The following RASGRF1 variants were observed in gnomAD, a reference collection of about 807,000 sequenced individuals.
RASGRF1 encodes the protein Ras protein specific guanine nucleotide releasing factor 1.
In RASGRF1, 40 loss-of-function variants were observed where a neutral mutation model predicts 138.7. The ratio of observed to expected loss-of-function variants is 0.29; its 90% CI spans 0.22 to 0.38. The LOEUF (loss-of-function observed/expected upper bound fraction) is 0.38, where lower values mean the gene tolerates loss of function less well. RASGRF1 is among the 10% of genes least tolerant of loss of function. The probability of loss-of-function intolerance (pLI) is 1.00; values close to 1 mark genes in which losing one functional copy is unlikely to be tolerated. For missense variants in RASGRF1, 1,108 were observed against 1,650.4 expected (o/e 0.67, Z 5.69); for synonymous variants, 614 against 663.2 (o/e 0.93, Z 1.14).
intron 3 of RASGRF1, 37 bp from the exon 4 acceptor site, chr15:79,049,625 TG>T: frequency 1.3e-6 from 2 of 1,575,194 alleles, no homozygotes; most frequent in Non-Finnish European, 1.7e-6. Flanking sequence ...TGAGGGGCGC[TG>T]GCTCACAGAG....
chr15:79,071,376 T>C (rs559470087), intron 1 of RASGRF1, among the ~76,000 whole-genome samples: 3 of 151,848 alleles, frequency 2.0e-5, no homozygotes, highest in East Asian at 3.9e-4. Flanking sequence ...TTTTTTTTTT[T>C]TGAGTCAGAG....
At chr15:78,983,341 C>A (rs1343589841) in intron 23 of RASGRF1, among the ~76,000 whole-genome samples, 1 of 152,168 alleles carries the variant, frequency 6.6e-6, no homozygotes, top group Non-Finnish European at 1.5e-5. Context: ...GACCCTAGGT[C>A]CAGAATGACA....
rs370108262 is a variant in RASGRF1, at chr15:79,003,839, A to G, written c.2412T>C (p.Pro804=). 6 of 1,611,666 alleles carry G rather than the reference A, an allele frequency of 3.7e-6. No individual in the cohort carries two copies. The African/African-American group carries it at 5.3e-5, about 14-fold the overall frequency. The part of the protein sequence containing the change: ...NKIPDEGDTT[P]EKPEDPSALS... ...GCGCTGAAGGGTCTTCGGGCTTCTCAGGGGTCGTATCGCCCTCATCTGGAA... is the reference window on the plus strand; with the variant it reads ...GCGCTGAAGGGTCTTCGGGCTTCTCGGGGGTCGTATCGCCCTCATCTGGAA... The change falls in exon 15 of 27, where the codon CCT becomes CCC. Residue 804 remains proline (P), a synonymous_variant. Transcript: ENST00000558480.
At chr15:79,043,969 T>A (rs993300627) in intron 5 of RASGRF1, among the ~76,000 whole-genome samples, 2 of 152,258 alleles carry the variant, frequency 1.3e-5, no homozygotes, top group African/African-American at 4.8e-5. Context: ...CAGCCTTCAG[T>A]TATCCAGCCC....
At chr15:79,083,723 C>T (rs1423263177) in intron 1 of RASGRF1, among the ~76,000 whole-genome samples, 2 of 152,152 alleles carry the variant, frequency 1.3e-5, no homozygotes, top group African/African-American at 2.4e-5. Flanking sequence ...GGTTCATGGC[C>T]CAGCTTCTGC....
rs2057981727 is a variant in RASGRF1, at chr15:79,086,516, G to A, written c.276+3707C>T. ...GTGTCCTGTGCATGAGGACTCAGGA[G>A]TGGGGCTTTGTCTTGTCTCTAGAGA... On this transcript the variant is annotated intron_variant, in intron 1 of 26. Coordinates refer to ENST00000558480, the MANE Select transcript of RASGRF1 (RefSeq NM_001145648.3). 2.0e-5 allele frequency among the ~76,000 whole-genome samples: 3 copies of A among 152,162 alleles called. No individual in the cohort carries two copies. The South Asian group carries it at 6.2e-4, about 32-fold the overall frequency.
At chr15:78,968,877 C>T (rs1419017295) in intron 26 of RASGRF1, among the ~76,000 whole-genome samples, 1 of 152,294 alleles carries the variant, frequency 6.6e-6, no homozygotes, top group Non-Finnish European at 1.5e-5. Flanking sequence ...TCTTCATTCT[C>T]CACCCCTGAT....
chr15:78,996,381 G>C (rs1164161330), intron 19 of RASGRF1, among the ~76,000 whole-genome samples: 1 of 152,214 alleles, frequency 6.6e-6, no homozygotes, highest in Middle Eastern at 3.2e-3. Context: ...ACCAACGGAG[G>C]CTGCGGACAC....
intron 3 of RASGRF1, among the ~76,000 whole-genome samples, chr15:79,049,953 C>T (rs970658507): frequency 6.6e-5 from 10 of 152,154 alleles, no homozygotes; most frequent in Admixed American, 2.6e-4. Context: ...CCCAAACAAC[C>T]GGTCCCTTTT....
In RASGRF1 at chr15:79,090,199, G is replaced by A. The variant is rs1432987981; in HGVS notation, c.276+24C>T. 4 of 1,578,036 alleles carry A rather than the reference G, an allele frequency of 2.5e-6. No homozygotes were observed. In the South Asian group the frequency reaches 3.4e-5, roughly 13 times the overall value. ...AGGGCCGCGGCCGGGACGCAGGGAG[G>A]TCAGGACGCGACGCTCGCCTCACCT... On this transcript the variant is annotated intron_variant, in intron 1 of 26. Coordinates refer to ENST00000558480, the MANE Select transcript of RASGRF1 (RefSeq NM_001145648.3).
chr15:79,019,984 G>T lies in RASGRF1; in HGVS notation c.1606+57C>A. On this transcript the variant is annotated intron_variant, in intron 11 of 26. Transcript: ENST00000558480. ...AATGCCTGGCCCAACCTTTAGGAGT[G>T]AGCGTGTGTGTATCTGTGCAAGCAC... 2.5e-6 allele frequency: 4 copies of T among 1,593,420 alleles called. No homozygotes were observed. In the South Asian group the frequency reaches 4.4e-5, roughly 18 times the overall value.
chr15:78,979,148 T>C, intron 24 of RASGRF1: 1 of 1,289,392 alleles, frequency 7.8e-7, no homozygotes, highest in Non-Finnish European at 1.0e-6. Flanking sequence ...CCACAGGGGC[T>C]CTCGGGAGCC....
chr15:78,965,294 C>T (rs190961818), intron 26 of RASGRF1, among the ~76,000 whole-genome samples: 5 of 152,114 alleles, frequency 3.3e-5, no homozygotes, highest in African/African-American at 1.2e-4. Flanking sequence ...CCTTTAAATC[C>T]CTCTGCTCTT....
chr15:79,089,058 A>G (rs1198765011), intron 1 of RASGRF1, among the ~76,000 whole-genome samples: 1 of 152,106 alleles, frequency 6.6e-6, no homozygotes, highest in Non-Finnish European at 1.5e-5. Flanking sequence ...TTTTATTTCA[A>G]CCAATTCAAT....
chr15:79,084,022 T>G (rs1404596458), intron 1 of RASGRF1, among the ~76,000 whole-genome samples: 1 of 152,198 alleles, frequency 6.6e-6, no homozygotes, highest in African/African-American at 2.4e-5. Flanking sequence ...TAGTAATAAC[T>G]CATGGTGAAG....
chr15:79,013,306 G>A (rs533300163), intron 13 of RASGRF1, among the ~76,000 whole-genome samples: 6 of 152,292 alleles, frequency 3.9e-5, no homozygotes, highest in African/African-American at 1.4e-4. Context: ...CCTTTCTGCT[G>A]TACCCCACCA....
rs965470070 is a variant in RASGRF1, at chr15:79,073,783, C to T, written c.277-9257G>A. On this transcript the variant is annotated intron_variant, in intron 1 of 26. Transcript: ENST00000558480. This position sits in a 1 kb window ranked among gnomAD's most constrained non-coding sequence, Gnocchi z 4.2. ...AAGAATGTCCCACCACCCTTACTGC[C>T]ATGAGAGTCCTTAAAGTCACTGGAG... Among the ~76,000 whole-genome samples the T allele has an allele frequency of 2.0e-5, 3 of 152,324 alleles. No homozygotes were observed. The South Asian group carries it at 6.2e-4, about 32-fold the overall frequency.
At chr15:78,996,102 A>AG (rs1159648886) in intron 19 of RASGRF1, among the ~76,000 whole-genome samples, 6 of 152,200 alleles carry the variant, frequency 3.9e-5, no homozygotes, top group Non-Finnish European at 7.3e-5. Context: ...TGTCTGATTC[A>AG]GCCCCATAGC....
At chr15:78,962,601 G>A (rs2055568709) in intron 26 of RASGRF1, among the ~76,000 whole-genome samples, 1 of 152,210 alleles carries the variant, frequency 6.6e-6, no homozygotes, top group African/African-American at 2.4e-5. Flanking sequence ...AGTTTCATAA[G>A]GCTGGGCGTG....
Sources: allele counts gnomAD v4.1 joint callset (sites outside exome capture counted in the v4.1 genomes callset), GRCh38; gene constraint gnomAD v4.1.1; non-coding constraint Gnocchi (gnomAD v3.1); transcripts MANE v1.5; gene names NCBI Gene and HGNC (gene_info 2026-07-23, HGNC 2026-07-21).